The following MECOM variants were observed in gnomAD, a reference collection of about 807,000 sequenced individuals.
MECOM encodes MDS1 and EVI1 complex locus, also known as histone-lysine N-methyltransferase MECOM.
Under a neutral mutation model 116.3 loss-of-function variants are expected in MECOM, and 13 were observed. That is an observed-to-expected ratio of 0.11 (90% CI 0.07 to 0.18). MECOM has a LOEUF of 0.18. Among genes scored for constraint, MECOM ranks in the 10% least tolerant of loss-of-function variants. MECOM has a pLI of 1.00. For missense variants in MECOM, 1,299 were observed against 1,509.0 expected (o/e 0.86, Z 2.31); for synonymous variants, 528 against 535.2 (o/e 0.99, Z 0.19).
intron 10 of MECOM, among the ~76,000 whole-genome samples, chr3:169,105,728 T>C (rs1276805752): frequency 6.6e-6 from 1 of 152,112 alleles, no homozygotes; most frequent in East Asian, 1.9e-4. Context: ...ACATATATAA[T>C]AGTTGATGTT....
chr3:169,491,726 C>T (rs1355616984), intron 1 of MECOM, among the ~76,000 whole-genome samples: 1 of 152,192 alleles, frequency 6.6e-6, no homozygotes, highest in Non-Finnish European at 1.5e-5. Flanking sequence ...GACATTTGTA[C>T]CAACCTCAAG....
At chr3:169,095,792 A>G (rs1721258029) in intron 12 of MECOM, among the ~76,000 whole-genome samples, 1 of 152,172 alleles carries the variant, frequency 6.6e-6, no homozygotes, top group South Asian at 2.1e-4. Flanking sequence ...TTAGTCTGAT[A>G]CCCAAGAATC....
chr3:169,641,425 A>G (rs1402304737), intron 1 of MECOM, among the ~76,000 whole-genome samples: 1 of 151,980 alleles, frequency 6.6e-6, no homozygotes, highest in Non-Finnish European at 1.5e-5. Flanking sequence ...GCACCCTCTG[A>G]TGGCTCTGGC....
intron 2 of MECOM, among the ~76,000 whole-genome samples, chr3:169,315,296 A>G (rs932736718): frequency 6.6e-6 from 1 of 152,218 alleles, no homozygotes; most frequent in Non-Finnish European, 1.5e-5. Context: ...AATGTGAAAC[A>G]GATGGGACCC....
At chr3:169,114,646 A>G (rs567365278) in intron 8 of MECOM, among the ~76,000 whole-genome samples, 2 of 152,062 alleles carry the variant, frequency 1.3e-5, no homozygotes, top group East Asian at 3.9e-4. Context: ...CAAAATATGT[A>G]ACAAACATAT....
At chr3:169,208,550 G>A (rs1750265821) in intron 2 of MECOM, among the ~76,000 whole-genome samples, 1 of 151,728 alleles carries the variant, frequency 6.6e-6, no homozygotes, top group Non-Finnish European at 1.5e-5. Flanking sequence ...AACTAGTAAT[G>A]GCAGCACTTA....
chr3:169,126,450 T>C (rs1339808830), intron 5 of MECOM, among the ~76,000 whole-genome samples: 1 of 152,088 alleles, frequency 6.6e-6, no homozygotes, highest in Non-Finnish European at 1.5e-5. Flanking sequence ...CTTCATTTTT[T>C]TTAAATTTGG....
At chr3:169,592,940 T>C (rs1766608528) in intron 1 of MECOM, among the ~76,000 whole-genome samples, 1 of 152,178 alleles carries the variant, frequency 6.6e-6, no homozygotes. Context: ...AAAAATACGG[T>C]GTATGTTTAT....
intron 2 of MECOM, among the ~76,000 whole-genome samples, chr3:169,317,760 T>G (rs1720027019): frequency 6.6e-6 from 1 of 152,116 alleles, no homozygotes; most frequent in South Asian, 2.1e-4. Flanking sequence ...CTTCACAGAA[T>G]TAGAAGAAAA....
chr3:169,183,240 G>A (rs530982583), intron 2 of MECOM, among the ~76,000 whole-genome samples: 1 of 152,232 alleles, frequency 6.6e-6, no homozygotes, highest in Admixed American at 6.5e-5. Context: ...GGATTAATCT[G>A]GACTCCATGG....
intron 1 of MECOM, among the ~76,000 whole-genome samples, chr3:169,522,565 C>A (rs1757476089): frequency 1.3e-5 from 2 of 152,186 alleles, no homozygotes; most frequent in African/African-American, 4.8e-5. Flanking sequence ...TAAGCCAGAT[C>A]TCTCTAGACC....
intron 1 of MECOM, among the ~76,000 whole-genome samples, chr3:169,416,014 AC>A (rs1357606123): frequency 6.6e-6 from 1 of 152,208 alleles, no homozygotes; most frequent in Non-Finnish European, 1.5e-5. Context: ...TCAGCTCTGG[AC>A]CAAGTGGACC....
At chr3:169,312,026 G>A (rs1321158765) in intron 2 of MECOM, among the ~76,000 whole-genome samples, 1 of 152,198 alleles carries the variant, frequency 6.6e-6, no homozygotes, top group African/African-American at 2.4e-5. Flanking sequence ...GAGGAGCTGG[G>A]CCCAGACCAC....
At chr3:169,374,916 A>G (rs764524090) in intron 2 of MECOM, among the ~76,000 whole-genome samples, 3 of 151,932 alleles carry the variant, frequency 2.0e-5, no homozygotes, top group Non-Finnish European at 4.4e-5. Flanking sequence ...ACACATCTGT[A>G]GTCCTAGCTA....
At chr3:169,660,956 T>G (rs531346746) in intron 1 of MECOM, among the ~76,000 whole-genome samples, 2 of 152,174 alleles carry the variant, frequency 1.3e-5, no homozygotes, top group East Asian at 3.8e-4. Context: ...AGTTGAGATC[T>G]AGCTATCAGA....
At chr3:169,272,015 C>CA (rs1759007483) in intron 2 of MECOM, among the ~76,000 whole-genome samples, 2 of 152,304 alleles carry the variant, frequency 1.3e-5, no homozygotes, top group East Asian at 3.9e-4. Context: ...CAGCGTTCCT[C>CA]AGAGTGTGAC....
intron 2 of MECOM, among the ~76,000 whole-genome samples, chr3:169,224,725 G>A (rs1270153008): frequency 6.6e-6 from 1 of 152,222 alleles, no homozygotes; most frequent in African/African-American, 2.4e-5. Context: ...AGTTTAAAAT[G>A]TATGGCATTC....
At chr3:169,302,965 C>A (rs1717026589) in intron 2 of MECOM, among the ~76,000 whole-genome samples, 1 of 152,092 alleles carries the variant, frequency 6.6e-6, no homozygotes, top group South Asian at 2.1e-4. Context: ...AACCTAAACA[C>A]ACTGAGGAGT....
intron 2 of MECOM, among the ~76,000 whole-genome samples, chr3:169,162,607 C>CA (rs999506994): frequency 3.9e-5 from 6 of 152,070 alleles, no homozygotes; most frequent in African/African-American, 1.4e-4. Context: ...AACTGCTTTG[C>CA]AAAAAACCCA....
Sources: gnomAD v4.1 joint callset for allele counts (sites outside exome capture counted in the v4.1 genomes callset) on GRCh38, gnomAD v4.1.1 for gene constraint, MANE v1.5 for transcripts, NCBI Gene and HGNC (gene_info 2026-07-23, HGNC 2026-07-21) for gene names.